Variants in PTPRN2 observed in about 807,000 individuals in gnomAD.
PTPRN2 encodes protein tyrosine phosphatase receptor type N2.
PTPRN2 carries 74 observed loss-of-function variants against 118.8 expected under a neutral mutation model. That is an observed-to-expected ratio of 0.62 (90% CI 0.52 to 0.76). The LOEUF is 0.76. Ranked by LOEUF, PTPRN2 falls within the 30% of genes least tolerant of loss-of-function variation. The pLI, the probability that PTPRN2 is intolerant of heterozygous loss-of-function variation, is 0.00. For synonymous variants in PTPRN2, 641 were observed against 608.0 expected, an observed-to-expected ratio of 1.05 and a Z score of -0.80; for missense variants, 1,481 against 1,394.4, an observed-to-expected ratio of 1.06 and a Z score of -0.99.
At chr7:158,065,059 T>C (rs1005146744) in intron 11 of PTPRN2, among the ~76,000 whole-genome samples, 1 of 152,250 alleles carries the variant, frequency 6.6e-6, no homozygotes, top group Non-Finnish European at 1.5e-5. Flanking sequence ...GACTGTAATC[T>C]GGCATACTTC....
intron 1 of PTPRN2, among the ~76,000 whole-genome samples, chr7:158,530,505 G>A (rs1825134160): frequency 6.6e-6 from 1 of 152,190 alleles, no homozygotes; most frequent in Non-Finnish European, 1.5e-5. Flanking sequence ...GGGACAGGGA[G>A]CTCTGGTACC....
At position 157,629,711 on chromosome 7, in the gene PTPRN2, G is replaced by A. The variant is rs925801376; in HGVS notation, c.2197-8202C>T. 2.0e-5 allele frequency among the ~76,000 whole-genome samples: 3 copies of A among 152,226 alleles called. No homozygotes were observed. Among genetic ancestry groups the A allele is most frequent in the Non-Finnish European group, 4.4e-5 (3 of 68,048 alleles). On this transcript the variant is annotated intron_variant, in intron 14 of 22. Transcript: ENST00000389418. This position sits in a 1 kb window ranked among gnomAD's most constrained non-coding sequence, Gnocchi z 4.4. ...TTCTTCCCACTGTAGAACAAGGCGTGTTAAAGAAAGCTGGGCTTTGGGGAA... is the reference window on the plus strand; with the variant it reads ...TTCTTCCCACTGTAGAACAAGGCGTATTAAAGAAAGCTGGGCTTTGGGGAA...
Position 158,141,800 on chromosome 7 carries a change from G to C in PTPRN2, c.911-3285C>G, listed in dbSNP as rs369590861. ...GATGACTAAGACCCTCTGATGTAAAGGCCTGAACGTCCATGACAGGCATTT... is the reference window on the plus strand; with the variant it reads ...GATGACTAAGACCCTCTGATGTAAACGCCTGAACGTCCATGACAGGCATTT... On this transcript the variant is annotated intron_variant, in intron 6 of 22. Transcript: ENST00000389418. Among the ~76,000 whole-genome samples, 3 of 152,126 alleles carry C rather than the reference G, an allele frequency of 2.0e-5. No individual in the cohort carries two copies. The South Asian group carries it at 6.2e-4, about 32-fold the overall frequency.
intron 6 of PTPRN2, 55 bp from the exon 7 acceptor site, chr7:158,138,570 AG>A: frequency 6.5e-7 from 1 of 1,543,976 alleles, no homozygotes; most frequent in South Asian, 1.1e-5. Context: ...TGCAAAGGTG[AG>A]GGCCTCCAGA....
chr7:157,757,012 A>G (rs757118749), intron 12 of PTPRN2, among the ~76,000 whole-genome samples: 38 of 152,214 alleles, frequency 2.5e-4, no homozygotes, highest in Non-Finnish European at 5.1e-4. Flanking sequence ...ATGTGGGGCC[A>G]GGAGCCGCCG....
intron 5 of PTPRN2, among the ~76,000 whole-genome samples, chr7:158,188,893 G>C (rs1043312428): frequency 6.6e-6 from 1 of 152,148 alleles, no homozygotes; most frequent in Non-Finnish European, 1.5e-5. Context: ...TTAGTGTGAC[G>C]AGGCCACGGG....
intron 9 of PTPRN2, among the ~76,000 whole-genome samples, chr7:158,127,839 A>G (rs573528682): frequency 6.6e-6 from 1 of 152,316 alleles, no homozygotes; most frequent in East Asian, 1.9e-4. Flanking sequence ...GAAACCTAAC[A>G]TGAAATCATT....
chr7:158,362,356 C>T (rs1395167847), intron 2 of PTPRN2, among the ~76,000 whole-genome samples: 1 of 151,286 alleles, frequency 6.6e-6, no homozygotes, highest in Non-Finnish European at 1.5e-5. Context: ...GGCCCCAAAG[C>T]ACAGGAAGAA....
intron 12 of PTPRN2, among the ~76,000 whole-genome samples, chr7:157,827,000 G>A (rs6459811): frequency 0.11 from 17,210 of 151,994 alleles, 1,824 homozygotes; most frequent in African/African-American, 0.27. Flanking sequence ...ATCTCCGACC[G>A]TGTCCCCAGC....
chr7:157,701,062 C>G (rs1404492082), intron 12 of PTPRN2, among the ~76,000 whole-genome samples: 1 of 152,262 alleles, frequency 6.6e-6, no homozygotes, highest in Non-Finnish European at 1.5e-5. Context: ...CGGCTCCATC[C>G]TGTCAAGCTA....
chr7:157,704,779 C>T (rs1182932368), intron 12 of PTPRN2, among the ~76,000 whole-genome samples: 1 of 152,224 alleles, frequency 6.6e-6, no homozygotes, highest in Non-Finnish European at 1.5e-5. Context: ...GCTCTCGTAA[C>T]TTGCAAAGCA....
chr7:158,007,558 G>A (rs12698119), intron 11 of PTPRN2, among the ~76,000 whole-genome samples: 58,265 of 152,016 alleles, frequency 0.38, 13,122 homozygotes, highest in East Asian at 0.72. Context: ...GACGATGGCC[G>A]GTGGTGATGA....
chr7:158,534,838 C>A (rs750372952), intron 1 of PTPRN2, among the ~76,000 whole-genome samples: 1 of 151,692 alleles, frequency 6.6e-6, no homozygotes, highest in Non-Finnish European at 1.5e-5. Flanking sequence ...GCAGAGACGA[C>A]GCCTGCACGT....
At chr7:157,647,014 T>C (rs1325730497) in intron 14 of PTPRN2, among the ~76,000 whole-genome samples, 12 of 132,136 alleles carry the variant, frequency 9.1e-5, no homozygotes, top group Middle Eastern at 4.8e-3. Context: ...ACCCATTCAC[T>C]GTGCACTGAA....
intron 12 of PTPRN2, among the ~76,000 whole-genome samples, chr7:157,825,835 C>T (rs1807136116): frequency 6.6e-6 from 1 of 152,248 alleles, no homozygotes; most frequent in Non-Finnish European, 1.5e-5. Flanking sequence ...CTCCCAGGCA[C>T]TGTTCTGGAG....
Position 158,113,614 on chromosome 7 carries a change from G to A in PTPRN2, c.1557-2699C>T, listed in dbSNP as rs113839757. ...TGCAGATTCAGACTCATGAGCAGGC[G>A]CATGCCGTGACTAGTCTAGCCTCAG... On this transcript the variant is annotated intron_variant, in intron 9 of 22. Transcript: ENST00000389418. Among the ~76,000 whole-genome samples the A allele has an allele frequency of 4.6e-3, 693 of 152,242 alleles. 9 individuals carry two copies. Among genetic ancestry groups the A allele is most frequent in the African/African-American group, 0.016 (653 of 41,534 alleles).
chr7:157,890,448 T>A (rs1052520192), intron 12 of PTPRN2, among the ~76,000 whole-genome samples: 5 of 152,182 alleles, frequency 3.3e-5, no homozygotes, highest in African/African-American at 1.2e-4. Context: ...AAAACCATCC[T>A]GGCTAACACG....
At chr7:158,356,629 G>A (rs1045658638) in intron 2 of PTPRN2, among the ~76,000 whole-genome samples, 1 of 152,060 alleles carries the variant, frequency 6.6e-6, no homozygotes, top group Non-Finnish European at 1.5e-5. Context: ...GGCTGATGCT[G>A]AGCAGGCACC....
At chr7:158,323,481 G>C (rs1416542123) in intron 2 of PTPRN2, among the ~76,000 whole-genome samples, 1 of 152,176 alleles carries the variant, frequency 6.6e-6, no homozygotes, top group African/African-American at 2.4e-5. Flanking sequence ...GGATGAACAG[G>C]GCCCAGGACA....
Sources: gnomAD v4.1 joint callset for allele counts (sites outside exome capture counted in the v4.1 genomes callset) on GRCh38, gnomAD v4.1.1 for gene constraint, Gnocchi (gnomAD v3.1) non-coding constraint, MANE v1.5 for transcripts, NCBI Gene and HGNC (gene_info 2026-07-23, HGNC 2026-07-21) for gene names.